Variants in TMEM114 observed in about 807,000 individuals in gnomAD.
TMEM114 encodes the protein claudin-26.
In TMEM114, 6 loss-of-function variants were observed where a neutral mutation model predicts 6.2. The observed-to-expected ratio is 0.97, with a 90% CI of 0.53 to 1.91. The LOEUF (loss-of-function observed/expected upper bound fraction) is 1.91, where lower values mean the gene tolerates loss of function less well. TMEM114 is among the 40% of genes most tolerant of loss of function. TMEM114 has a pLI of 0.01. For synonymous variants in TMEM114, 104 were observed against 73.0 expected, an observed-to-expected ratio of 1.42 and a Z score of -2.16; for missense variants, 218 against 158.3, an observed-to-expected ratio of 1.38 and a Z score of -2.02.
At chr16:8,570,637 A>T (rs752371812) in intron 3 of TMEM114, among the ~76,000 whole-genome samples, 4 of 152,174 alleles carry the variant, frequency 2.6e-5, no homozygotes, top group Non-Finnish European at 2.9e-5. Flanking sequence ...TTTAACTAAC[A>T]TCTGTCTCCC....
Position 8,569,760 on chromosome 16 carries a change from C to A in TMEM114, c.*13G>T, listed in dbSNP as rs941480330. 1 of 1,545,016 alleles carries A rather than the reference C, an allele frequency of 6.5e-7. No individual in the cohort carries two copies. Among genetic ancestry groups the A allele is most frequent in the Admixed American group, 2.0e-5 (1 of 50,854 alleles). On this transcript the variant is annotated 3_prime_UTR_variant, in exon 4 of 4. Transcript: ENST00000620492. ...CAAGCCCCTCCCTCCCCTCCACGAC[C>A]CAGCGCCCAGGCTCATATGGCCTGG... is the stretch of plus-strand genomic sequence containing the variant.
chr16:8,571,707 T>C (rs1391587382), intron 3 of TMEM114, among the ~76,000 whole-genome samples: 1 of 151,984 alleles, frequency 6.6e-6, no homozygotes, highest in East Asian at 1.9e-4. Context: ...CGTTTTTTAG[T>C]CGATCAAAGC....
At chr16:8,558,016 G>T (rs1901069255) in intron 2 of TMEM114, among the ~76,000 whole-genome samples, 1 of 152,148 alleles carries the variant, frequency 6.6e-6, no homozygotes, top group Admixed American at 6.6e-5. Context: ...CACTTTGGGA[G>T]GCTAAGGCAG....
At chr16:8,538,213 G>A (rs1434841003) in intron 2 of TMEM114, among the ~76,000 whole-genome samples, 2 of 151,288 alleles carry the variant, frequency 1.3e-5, no homozygotes, top group Non-Finnish European at 2.9e-5. Flanking sequence ...GCTGAAGTAG[G>A]AGGATCACTG....
the TMEM114 span, among the ~76,000 whole-genome samples, chr16:8,532,425 T>C: frequency 7.9e-5 from 12 of 152,128 alleles, no homozygotes; most frequent in Admixed American, 7.8e-4. Flanking sequence ...AATCTGACCC[T>C]AGTATTATGA....
rs1198898943 is a variant in TMEM114 at position 8,569,796 on chromosome 16, G to A, written c.649C>T (p.Arg217Trp). ...LAAARELSLR[R>W]RQDQAI ...GCTCATATGGCCTGGTCCTGCCTCC[G>A]TCTCAGGCTGAGCTCGCGGGCTGCT... is the stretch of plus-strand genomic sequence containing the variant. The change falls in exon 4 of 4, where the codon CGG (arginine) becomes TGG (tryptophan). Residue 217 changes from arginine to tryptophan, a missense_variant. By Grantham distance (101) the Arg-to-Trp change is moderately radical (BLOSUM62 -3). Transcript: ENST00000620492. 44 of 1,550,530 alleles carry A rather than the reference G, an allele frequency of 2.8e-5. 1 individual carries two copies. The Admixed American group carries it at 4.3e-4, about 15-fold the overall frequency.
intron 2 of TMEM114, among the ~76,000 whole-genome samples, chr16:8,551,521 T>C (rs1900843840): frequency 6.6e-6 from 1 of 152,174 alleles, no homozygotes; most frequent in Non-Finnish European, 1.5e-5. Context: ...AATAAACAGT[T>C]GGCCCCAAAC....
At chr16:8,532,288 A>T in the TMEM114 span, among the ~76,000 whole-genome samples, 1 of 152,160 alleles carries the variant, frequency 6.6e-6, no homozygotes, top group Admixed American at 6.5e-5. Flanking sequence ...TTTAATTTTC[A>T]CTCTGCCTCT....
At chr16:8,573,169 G>A (rs932911619) in intron 2 of TMEM114, among the ~76,000 whole-genome samples, 2 of 152,142 alleles carry the variant, frequency 1.3e-5, no homozygotes, top group African/African-American at 4.8e-5. Context: ...TGGATGAAGG[G>A]CTTTGGGCAT....
intron 2 of TMEM114, among the ~76,000 whole-genome samples, chr16:8,574,905 T>C (rs1028849818): frequency 6.6e-5 from 10 of 152,170 alleles, no homozygotes; most frequent in Admixed American, 4.6e-4. Context: ...GCTTTCTTTG[T>C]GTGTGTGCCC....
intron 2 of TMEM114, among the ~76,000 whole-genome samples, chr16:8,586,037 G>A (rs1902308988): frequency 1.3e-5 from 2 of 152,168 alleles, no homozygotes; most frequent in Non-Finnish European, 2.9e-5. Context: ...TGTCAAGATT[G>A]AAGAGGAAGC....
chr16:8,570,647 C>A (rs1178206753), intron 3 of TMEM114, among the ~76,000 whole-genome samples: 1 of 152,126 alleles, frequency 6.6e-6, no homozygotes, highest in African/African-American at 2.4e-5. Flanking sequence ...ATCTGTCTCC[C>A]CCAGTGGCCT....
downstream of TMEM114, among the ~76,000 whole-genome samples, chr16:8,537,282 C>A (rs781176535): frequency 1.3e-5 from 2 of 152,004 alleles, no homozygotes; most frequent in Non-Finnish European, 2.9e-5. Context: ...CGGCAGATGA[C>A]CTGAGATCAG....
chr16:8,547,541 C>A (rs544894087), intron 2 of TMEM114, among the ~76,000 whole-genome samples: 1 of 152,016 alleles, frequency 6.6e-6, no homozygotes, highest in East Asian at 1.9e-4. Flanking sequence ...TACAGGCACC[C>A]GCCACTACGC....
At chr16:8,560,552 T>G (rs1901166118) in intron 2 of TMEM114, among the ~76,000 whole-genome samples, 1 of 152,112 alleles carries the variant, frequency 6.6e-6, no homozygotes, top group Admixed American at 6.5e-5. Context: ...TTGTTTATTC[T>G]CAAGGAAGAA....
At chr16:8,544,423 G>C (rs912156487) in intron 2 of TMEM114, among the ~76,000 whole-genome samples, 1 of 152,222 alleles carries the variant, frequency 6.6e-6, no homozygotes, top group Non-Finnish European at 1.5e-5. Context: ...AGTAAAGGGG[G>C]TGATATTTGA....
At chr16:8,571,259 C>G (rs1901725584) in intron 3 of TMEM114, among the ~76,000 whole-genome samples, 1 of 152,116 alleles carries the variant, frequency 6.6e-6, no homozygotes, top group South Asian at 2.1e-4. Context: ...CATTGTCTGT[C>G]CACCTGTTGT....
chr16:8,570,255 G>A (rs910877468), intron 3 of TMEM114, among the ~76,000 whole-genome samples: 3 of 152,186 alleles, frequency 2.0e-5, no homozygotes, highest in Non-Finnish European at 4.4e-5. Context: ...CCTGAGCAGT[G>A]ATTCCACAGC....
downstream of TMEM114, among the ~76,000 whole-genome samples, chr16:8,534,849 T>C (rs543380276): frequency 2.6e-4 from 40 of 152,256 alleles, no homozygotes; most frequent in Non-Finnish European, 5.3e-4. Context: ...AAGATTTTCA[T>C]GAAGCGGAAT....
Sources: allele counts gnomAD v4.1 joint callset (sites outside exome capture counted in the v4.1 genomes callset), GRCh38; gene constraint gnomAD v4.1.1; transcripts MANE v1.5; gene names NCBI Gene and HGNC (gene_info 2026-07-23, HGNC 2026-07-21).